Variants in PDHX observed in about 807,000 individuals in gnomAD.
PDHX encodes the protein pyruvate dehydrogenase complex component X, also known as pyruvate dehydrogenase protein X component, mitochondrial.
A neutral mutation model predicts 55.3 loss-of-function variants in PDHX; 33 were observed. That is an observed-to-expected ratio of 0.60 (90% confidence interval 0.45 to 0.80). The LOEUF (loss-of-function observed/expected upper bound fraction) is 0.80. Among genes scored for constraint, PDHX ranks in the 30% least tolerant of loss-of-function variants. The pLI is 0.00. For missense variants in PDHX, 622 were observed against 619.9 expected (o/e 1.00, Z -0.04); for synonymous variants, 226 against 219.4 (o/e 1.03, Z -0.27).
At chr11:34,930,326 G>C (rs1053082349) in intron 1 of PDHX, among the ~76,000 whole-genome samples, 1 of 152,182 alleles carries the variant, frequency 6.6e-6, no homozygotes, top group East Asian at 1.9e-4. Flanking sequence ...CCTTTATCAC[G>C]AAGCCATAGG....
intron 9 of PDHX, among the ~76,000 whole-genome samples, chr11:34,989,417 G>A (rs1007864158): frequency 6.6e-6 from 1 of 152,174 alleles, no homozygotes; most frequent in South Asian, 2.1e-4. Flanking sequence ...TGAGTCAAAC[G>A]GGAGAGTACT....
At position 34,957,580 on chromosome 11, in the gene PDHX, T is replaced by G; in HGVS notation, c.539T>G (p.Leu180Arg). The G allele has an allele frequency of 6.2e-7, 1 of 1,607,974 alleles. No individual in the cohort carries two copies. The highest frequency in any genetic ancestry group is 1.1e-5 in the South Asian group (1 of 90,932). ...PVKKEHIPGTLRFRLSPAARN... is the reference protein window; with the variant it reads ...PVKKEHIPGTRRFRLSPAARN... The stretch of plus-strand genomic sequence containing the variant: ...AAGAAGGAACACATACCCGGGACAC[T>G]ACGGTGAGTATATATTTATTCAAAG... Residue 180 changes from leucine to arginine, a missense_variant, in exon 4 of 11, where the codon CTA becomes CGA. Coordinates refer to ENST00000227868, the MANE Select transcript of PDHX (RefSeq NM_003477.3).
Position 34,970,275 on chromosome 11 carries a change from A to T in PDHX, c.953A>T (p.Asp318Val). Residue 318 changes from aspartate (D) to valine (V), a missense_variant, in exon 7 of 11, where the codon GAT becomes GTT. Transcript: ENST00000227868. ...DLGAVLKVRQ[D>V]LVKDDIKVSV... ...GGAGCTGTTTTAAAAGTTAGGCAAGATCTGGTCAAAGGTTAGTAAAATTGA... is the reference window on the plus strand; with the variant it reads ...GGAGCTGTTTTAAAAGTTAGGCAAGTTCTGGTCAAAGGTTAGTAAAATTGA... 1 of 1,613,548 alleles carries T rather than the reference A, an allele frequency of 6.2e-7. No individual in the cohort carries two copies. Among genetic ancestry groups the T allele is most frequent in the Non-Finnish European group, 8.5e-7 (1 of 1,179,518 alleles).
chr11:34,977,530 T>C (rs1218618892), intron 7 of PDHX, among the ~76,000 whole-genome samples: 1 of 152,132 alleles, frequency 6.6e-6, no homozygotes, highest in African/African-American at 2.4e-5. Flanking sequence ...ATCTTTGGCT[T>C]TTGTTATATC....
chr11:34,974,110 C>T (rs1342399400), intron 7 of PDHX, among the ~76,000 whole-genome samples: 2 of 152,188 alleles, frequency 1.3e-5, no homozygotes, highest in African/African-American at 2.4e-5. Context: ...GCAACCATTG[C>T]CACCATTCAT....
intron 3 of PDHX, among the ~76,000 whole-genome samples, chr11:34,950,116 C>T (rs191495976): frequency 0.015 from 2,323 of 151,866 alleles, 25 homozygotes; most frequent in Non-Finnish European, 0.022. Flanking sequence ...TTACTGTATT[C>T]GTTAGATACC....
At chr11:34,932,114 C>A (rs1316214452) in intron 2 of PDHX, among the ~76,000 whole-genome samples, 3 of 151,978 alleles carry the variant, frequency 2.0e-5, no homozygotes, top group African/African-American at 4.8e-5. Context: ...TAGATTTATT[C>A]TTTATGTTAT....
intron 8 of PDHX, 70 bp downstream of exon 8, chr11:34,978,252 A>G (rs930402756): frequency 2.3e-6 from 2 of 875,078 alleles, no homozygotes; most frequent in African/African-American, 3.3e-5. Context: ...TACAATGACA[A>G]ATAGAACTCT....
Position 34,966,703 on chromosome 11 carries a change from A to G in PDHX, c.705A>G (p.Pro235=). 6.2e-7 allele frequency: 1 copy of G among 1,614,070 alleles called. No homozygotes were observed. Among genetic ancestry groups the G allele is most frequent in the South Asian group, 1.1e-5 (1 of 91,080 alleles). The change falls in exon 6 of 11, where the codon CCA becomes CCG. Residue 235 remains proline, a synonymous_variant. Transcript: ENST00000227868. The part of the protein sequence containing the change: ...TGKITESRPT[P]APTATPTAPS... Reference sequence around the variant, plus strand: ...AGATTACCGAGTCCAGACCAACTCCAGCCCCCACAGCCACTCCCACAGCAC... The same window carrying G: ...AGATTACCGAGTCCAGACCAACTCCGGCCCCCACAGCCACTCCCACAGCAC...
chr11:34,935,646 G>C (rs558891906), intron 2 of PDHX, among the ~76,000 whole-genome samples: 1 of 152,292 alleles, frequency 6.6e-6, no homozygotes, highest in South Asian at 2.1e-4. Context: ...GAGGAAAGAG[G>C]ATGAGTCTAC....
At chr11:34,922,012 T>C (rs1853893213) in intron 1 of PDHX, among the ~76,000 whole-genome samples, 1 of 152,198 alleles carries the variant, frequency 6.6e-6, no homozygotes, top group Non-Finnish European at 1.5e-5. Flanking sequence ...GGATGACCAC[T>C]TTGGAACTGT....
chr11:34,934,633 A>C (rs903290980), intron 2 of PDHX, among the ~76,000 whole-genome samples: 9 of 132,184 alleles, frequency 6.8e-5, no homozygotes, highest in African/African-American at 2.3e-4. Flanking sequence ...CCTGGAGTAT[A>C]ATGGCGCGAT....
In PDHX at chr11:34,916,639, G is replaced by C; in HGVS notation, c.-17G>C. The C allele has an allele frequency of 3.7e-6, 6 of 1,605,430 alleles. No individual in the cohort carries two copies. Among genetic ancestry groups the C allele is most frequent in the Non-Finnish European group, 5.1e-6 (6 of 1,179,840 alleles). On this transcript the variant is annotated 5_prime_UTR_variant, in exon 1 of 11. Transcript: ENST00000227868. ...CATCAGGCTGTGCTGCGGGCAGCCA[G>C]TGAGAAGGCCGTCAAGATGGCGGCC...
At chr11:34,930,362 A>G (rs1402135300) in intron 1 of PDHX, among the ~76,000 whole-genome samples, 1 of 152,224 alleles carries the variant, frequency 6.6e-6, no homozygotes, top group African/African-American at 2.4e-5. Flanking sequence ...AATGCAGTAC[A>G]AGTTATTCAG....
intron 2 of PDHX, among the ~76,000 whole-genome samples, chr11:34,944,535 ATAACT>A (rs1233350912): frequency 6.6e-6 from 1 of 152,246 alleles, no homozygotes; most frequent in African/African-American, 2.4e-5. Flanking sequence ...ATTTTTAAAA[ATAACT>A]TATATTAGTG....
intron 9 of PDHX, among the ~76,000 whole-genome samples, chr11:34,989,284 T>C (rs1032390202): frequency 2.3e-4 from 35 of 152,232 alleles, no homozygotes; most frequent in Non-Finnish European, 2.1e-4. Context: ...TGACTGCATG[T>C]ATAGAGTTCA....
In PDHX at chr11:34,953,481, T is replaced by C. The variant is rs151048438; in HGVS notation, c.343-3903T>C. Among the ~76,000 whole-genome samples the C allele has an allele frequency of 3.9e-5, 6 of 152,360 alleles. No homozygotes were observed. In the East Asian group the frequency reaches 1.2e-3, roughly 29 times the overall value. On this transcript the variant is annotated intron_variant, in intron 3 of 10. Coordinates refer to ENST00000227868, the MANE Select transcript of PDHX (RefSeq NM_003477.3). ...AGTAACCAAAACAGCATGCTACTGC[T>C]ATCAACTCTAATTTTTTCATATTGA...
At chr11:34,991,284 T>C (rs1224078425) in intron 9 of PDHX, among the ~76,000 whole-genome samples, 2 of 152,180 alleles carry the variant, frequency 1.3e-5, no homozygotes, top group African/African-American at 4.8e-5. Flanking sequence ...AAAAGAAGTC[T>C]ATTCTCTAGG....
At chr11:34,959,356 A>G (rs947562769) in intron 4 of PDHX, among the ~76,000 whole-genome samples, 1 of 151,958 alleles carries the variant, frequency 6.6e-6, no homozygotes, top group African/African-American at 2.4e-5. Context: ...TGAAAATCAA[A>G]ACCACAATGA....
Sources: allele counts gnomAD v4.1 joint callset (sites outside exome capture counted in the v4.1 genomes callset), GRCh38; gene constraint gnomAD v4.1.1; transcripts MANE v1.5; gene names NCBI Gene and HGNC (gene_info 2026-07-23, HGNC 2026-07-21).